Variants in TMEM132C observed in about 807,000 individuals in gnomAD.
TMEM132C encodes transmembrane protein 132C, also known as protein phosphatase 1, regulatory subunit 152.
TMEM132C carries 29 observed loss-of-function variants against 61.4 expected under a neutral mutation model. The observed-to-expected ratio is 0.47, with a 90% CI of 0.35 to 0.64. The LOEUF (loss-of-function observed/expected upper bound fraction) is 0.64, where lower values mean the gene tolerates loss of function less well. Ranked by LOEUF, TMEM132C falls within the 30% of genes least tolerant of loss-of-function variation. The probability of loss-of-function intolerance (pLI) is 0.00; values close to 1 mark genes in which losing one functional copy is unlikely to be tolerated. For missense variants in TMEM132C, 1,408 were observed against 1,476.9 expected, an observed-to-expected ratio of 0.95 and a Z score of 0.76; for synonymous variants, 656 against 633.1, an observed-to-expected ratio of 1.04 and a Z score of -0.54.
At chr12:128,522,577 T>C (rs150428543) in intron 2 of TMEM132C, among the ~76,000 whole-genome samples, 309 of 152,320 alleles carry the variant, frequency 2.0e-3, no homozygotes, top group Non-Finnish European at 2.2e-3. Flanking sequence ...TTTTCCCACA[T>C]TTACGTGGCG....
intron 5 of TMEM132C, among the ~76,000 whole-genome samples, chr12:128,672,813 C>T (rs1184645165): frequency 6.6e-6 from 1 of 152,164 alleles, no homozygotes; most frequent in African/African-American, 2.4e-5. Context: ...TAGTCTGCAG[C>T]AGGCCCATGA....
Position 128,281,274 on chromosome 12 carries a change from A to G in TMEM132C, c.85+13787A>G, listed in dbSNP as rs114899389. 9.7e-3 allele frequency among the ~76,000 whole-genome samples: 1,484 copies of G among 152,266 alleles called. 14 individuals are homozygous for G. Among genetic ancestry groups the G allele is most frequent in the Middle Eastern group, 0.031 (9 of 294 alleles). ...AGATACAAGAGGTGGCCCGAGTGCCAGTTGGAAGAGAGAAAGATGAGATCT... is the reference window on the plus strand; with the variant it reads ...AGATACAAGAGGTGGCCCGAGTGCCGGTTGGAAGAGAGAAAGATGAGATCT... On this transcript the variant is annotated intron_variant, in intron 1 of 8. Transcript: ENST00000435159.
rs1874845234 is a variant in TMEM132C, at chr12:128,570,649, T to C, written c.1121+26546T>C. On this transcript the variant is annotated intron_variant, in intron 3 of 8. Transcript: ENST00000435159. The surrounding 1 kb of genome is among the most constrained non-coding windows in gnomAD (Gnocchi z 4.7). ...CAGGGGACCCAGGCTCCTTTTCTCT[T>C]TCTGCTCTGCCATCTATGGCATGTG... is the stretch of plus-strand genomic sequence containing the variant. 6.6e-6 allele frequency among the ~76,000 whole-genome samples: 1 copy of C among 152,202 alleles called. No individual in the cohort carries two copies. The highest frequency in any genetic ancestry group is 2.4e-5 in the African/African-American group (1 of 41,456).
intron 5 of TMEM132C, among the ~76,000 whole-genome samples, chr12:128,690,947 G>T (rs2135650047): frequency 6.6e-6 from 1 of 152,316 alleles, no homozygotes; most frequent in Non-Finnish European, 1.5e-5. Context: ...GTTCCCGGAA[G>T]CTGGGGAAAG....
chr12:128,598,753 G>T (rs1876060353), intron 3 of TMEM132C, among the ~76,000 whole-genome samples: 1 of 150,732 alleles, frequency 6.6e-6, no homozygotes, highest in Non-Finnish European at 1.5e-5. Context: ...CAATTTTAGG[G>T]ATTGTGCCAG....
Position 128,267,196 on chromosome 12 carries a change from G to A in TMEM132C, c.-207G>A, listed in dbSNP as rs1250361666. The stretch of plus-strand genomic sequence containing the variant: ...AAAAGTTGTCCCGGCCGGAGCGCGA[G>A]CAGCGGCGGAGCCGGAGCCGCCAGA... On this transcript the variant is annotated 5_prime_UTR_variant, in exon 1 of 9. Transcript: ENST00000435159. Among the ~76,000 whole-genome samples the A allele has an allele frequency of 1.4e-5, 2 of 147,028 alleles. No individual in the cohort carries two copies. The highest frequency in any genetic ancestry group is 1.4e-4 in the Admixed American group (2 of 14,812).
intron 1 of TMEM132C, among the ~76,000 whole-genome samples, chr12:128,283,339 A>G (rs1870956282): frequency 6.6e-6 from 1 of 152,172 alleles, no homozygotes; most frequent in Admixed American, 6.5e-5. Context: ...TTTTGGAATC[A>G]GTTCAGTTGC....
chr12:128,488,485 A>G (rs1871580652), intron 2 of TMEM132C, among the ~76,000 whole-genome samples: 1 of 152,028 alleles, frequency 6.6e-6, no homozygotes, highest in Non-Finnish European at 1.5e-5. Flanking sequence ...ACATGGTGAA[A>G]CCCTGTCTCT....
At chr12:128,573,141 A>G in intron 3 of TMEM132C, among the ~76,000 whole-genome samples, 1 of 152,228 alleles carries the variant, frequency 6.6e-6, no homozygotes, top group Non-Finnish European at 1.5e-5. Flanking sequence ...TGCTATAAAG[A>G]CACATGCACA....
rs541893396 is a variant in TMEM132C at position 128,319,185 on chromosome 12, T to G, written c.85+51698T>G. Among the ~76,000 whole-genome samples the G allele has an allele frequency of 6.0e-4, 91 of 152,330 alleles. 1 individual carries two copies. Among genetic ancestry groups the G allele is most frequent in the African/African-American group, 2.1e-3 (88 of 41,580 alleles). On this transcript the variant is annotated intron_variant, in intron 1 of 8. Transcript: ENST00000435159. ...GTGGTCAGCCACAGAAGCCCTGTGG[T>G]TGCCCTAATAGAGAAGGAATTACAA...
chr12:128,617,695 A>C (rs1185756681), intron 4 of TMEM132C, among the ~76,000 whole-genome samples: 1 of 152,062 alleles, frequency 6.6e-6, no homozygotes, highest in Non-Finnish European at 1.5e-5. Context: ...GTGTGGAATC[A>C]GGTAGGGCAG....
At chr12:128,438,757 T>C (rs10444446) in intron 2 of TMEM132C, 14,889 of 152,238 alleles carry the variant, frequency 0.098, 822 homozygotes, top group Middle Eastern at 0.19. Flanking sequence ...AAGTAGTTAC[T>C]CATCCCTCCT....
At chr12:128,697,505 G>A in intron 8 of TMEM132C, 90 bp downstream of exon 8, 7 of 1,328,162 alleles carry the variant, frequency 5.3e-6, no homozygotes, top group South Asian at 1.6e-5. Context: ...GAGAAATGGG[G>A]GCAGGTTAGC....
chr12:128,666,732 A>C (rs1184663879), intron 4 of TMEM132C, among the ~76,000 whole-genome samples: 1 of 152,220 alleles, frequency 6.6e-6, no homozygotes, highest in Non-Finnish European at 1.5e-5. Flanking sequence ...TGTCACAGCC[A>C]GTTTATTCTG....
intron 1 of TMEM132C, among the ~76,000 whole-genome samples, chr12:128,344,125 A>G (rs1360968578): frequency 1.3e-5 from 2 of 152,018 alleles, no homozygotes; most frequent in Non-Finnish European, 1.5e-5. Context: ...ATTCATGTAC[A>G]TGTTTTCGTG....
At position 128,669,525 on chromosome 12, in the gene TMEM132C, G is replaced by A. The variant is rs542076193; in HGVS notation, c.1414G>A (p.Val472Met). The A allele has an allele frequency of 4.5e-6, 7 of 1,551,678 alleles. No individual in the cohort carries two copies. The Admixed American group carries it at 1.4e-4, about 30-fold the overall frequency. The change falls in exon 5 of 9, where the codon GTG (valine) becomes ATG (methionine). Residue 472 changes from valine to methionine, a missense_variant. Coordinates refer to ENST00000435159, the MANE Select transcript of TMEM132C (RefSeq NM_001136103.3). ...NSAVMDISES[V>M]ECKSTDEDVI... ...TGCCGTGATGGACATCTCAGAGTCGGTGGAGTGCAAGTCCACAGACGAGGA... is the reference window on the plus strand; with the variant it reads ...TGCCGTGATGGACATCTCAGAGTCGATGGAGTGCAAGTCCACAGACGAGGA...
At chr12:128,391,830 A>C (rs2136000231) in intron 1 of TMEM132C, among the ~76,000 whole-genome samples, 1 of 152,324 alleles carries the variant, frequency 6.6e-6, no homozygotes, top group Middle Eastern at 3.4e-3. Context: ...GGCAAACTAG[A>C]ACCCTTGGGC....
chr12:128,591,905 A>G (rs1391683752), intron 3 of TMEM132C, among the ~76,000 whole-genome samples: 1 of 152,080 alleles, frequency 6.6e-6, no homozygotes, highest in African/African-American at 2.4e-5. Flanking sequence ...TACAAAAATT[A>G]GCCAGGCATG....
At chr12:128,476,537 G>C (rs910251265) in intron 2 of TMEM132C, among the ~76,000 whole-genome samples, 2 of 152,150 alleles carry the variant, frequency 1.3e-5, no homozygotes, top group Non-Finnish European at 2.9e-5. Flanking sequence ...CTAGAAAAAA[G>C]CCTCCTGTCT....
Sources: gnomAD v4.1 joint callset for allele counts (sites outside exome capture counted in the v4.1 genomes callset) on GRCh38, gnomAD v4.1.1 for gene constraint, Gnocchi (gnomAD v3.1) non-coding constraint, MANE v1.5 for transcripts, NCBI Gene and HGNC (gene_info 2026-07-23, HGNC 2026-07-21) for gene names.